Variants in VMP1 observed in about 807,000 individuals in gnomAD.
VMP1 encodes vacuole membrane protein 1, also known as ectopic P-granules autophagy protein 3 homolog.
In VMP1, 11 loss-of-function variants were observed where a neutral mutation model predicts 56.0. The observed-to-expected ratio is 0.20, with a 90% CI of 0.12 to 0.32. VMP1 has a LOEUF of 0.32. VMP1 is among the 10% of genes least tolerant of loss of function. VMP1 has a pLI of 1.00. For synonymous variants in VMP1, 149 were observed against 165.0 expected (o/e 0.90, Z 0.74); for missense variants, 296 against 490.3 (o/e 0.60, Z 3.74).
chr17:59,784,142 T>TGA (rs1555621322), intron 7 of VMP1, among the ~76,000 whole-genome samples: 2,299 of 130,346 alleles, frequency 0.018, 33 homozygotes, highest in East Asian at 0.035. Flanking sequence ...TGTGTGTGTG[T>TGA]GAGAGAGAGA....
At chr17:59,805,155 C>T (rs1052719421) in intron 7 of VMP1, among the ~76,000 whole-genome samples, 6 of 152,046 alleles carry the variant, frequency 3.9e-5, no homozygotes, top group Admixed American at 6.6e-5. Context: ...TTCACGTGTT[C>T]GGATAGATTA....
At chr17:59,834,280 T>G (rs1027242294) in intron 10 of VMP1, among the ~76,000 whole-genome samples, 22 of 151,842 alleles carry the variant, frequency 1.4e-4, no homozygotes, top group Non-Finnish European at 1.2e-4. Context: ...TGTTTTTGTT[T>G]GAGATGGAGT....
intron 6 of VMP1, among the ~76,000 whole-genome samples, chr17:59,769,445 G>C (rs746935926): frequency 6.6e-6 from 1 of 152,032 alleles, no homozygotes; most frequent in Non-Finnish European, 1.5e-5. Context: ...CTGCAGATTT[G>C]CTTGTGAGTT....
intron 5 of VMP1, among the ~76,000 whole-genome samples, chr17:59,761,667 C>G (rs1186290158): frequency 2.6e-5 from 4 of 152,206 alleles, no homozygotes. Context: ...CCTGTGTGAA[C>G]TCTGGGAATT....
At chr17:59,827,200 G>A (rs767143382) in intron 10 of VMP1, among the ~76,000 whole-genome samples, 30 of 151,914 alleles carry the variant, frequency 2.0e-4, no homozygotes, top group Non-Finnish European at 2.9e-4. Flanking sequence ...GTGTTGCCCA[G>A]GCTGATCTTG....
chr17:59,837,269 G>GT (rs2039012830), intron 10 of VMP1, among the ~76,000 whole-genome samples: 1 of 152,098 alleles, frequency 6.6e-6, no homozygotes, highest in Admixed American at 6.6e-5. Context: ...ATTAGGCAGT[G>GT]TTGCAAGTAC....
intron 7 of VMP1, among the ~76,000 whole-genome samples, chr17:59,794,517 ATTTTTTTTTT>A (rs71145572): frequency 2.3e-4 from 10 of 43,086 alleles, no homozygotes; most frequent in African/African-American, 9.3e-4. Flanking sequence ...CGCGCCCTGC[ATTTTTTTTTT>A]TTTTTTTTTT....
Position 59,793,103 on chromosome 17 carries a change from C to T in VMP1, c.715-15693C>T, listed in dbSNP as rs2037300654. 1.8e-5 allele frequency among the ~76,000 whole-genome samples: 2 copies of T among 111,672 alleles called. 1 individual carries two copies. The highest frequency in any genetic ancestry group is 4.4e-5 in the Non-Finnish European group (2 of 45,304). The allele number at this position is 111,672 out of a possible 152,430, so 73.3% of individuals were successfully genotyped here. ...TCTTGGCTTACCACAACCTCTGCCT[C>T]CCGAGTTCAAGCAATTCTCCTGCCT... On this transcript the variant is annotated intron_variant, in intron 7 of 11. Coordinates refer to ENST00000262291, the MANE Select transcript of VMP1 (RefSeq NM_030938.5).
intron 5 of VMP1, among the ~76,000 whole-genome samples, chr17:59,740,634 G>GT: frequency 6.6e-6 from 1 of 152,254 alleles, no homozygotes; most frequent in South Asian, 2.1e-4. Context: ...TGTTTGCTTG[G>GT]TGATTTAACT....
chr17:59,750,926 CT>C (rs35948198), intron 5 of VMP1, among the ~76,000 whole-genome samples: 2,110 of 91,024 alleles, frequency 0.023, 18 homozygotes, highest in African/African-American at 0.097. Flanking sequence ...AAGATAGCAC[CT>C]TTTTTTTTTT....
At chr17:59,780,324 C>T (rs948051563) in intron 7 of VMP1, among the ~76,000 whole-genome samples, 10 of 152,192 alleles carry the variant, frequency 6.6e-5, no homozygotes, top group African/African-American at 2.4e-4. Context: ...GCTGCAGTGG[C>T]TCACGCCTGT....
At chr17:59,809,484 A>ATTTTTTTTTTTTTT (rs71145575) in intron 8 of VMP1, among the ~76,000 whole-genome samples, 1 of 52,716 alleles carries the variant, frequency 1.9e-5, no homozygotes, top group African/African-American at 1.0e-4. Context: ...CACCCAGCTA[A>ATTTTTTTTTTTTTT]TTTTTTTTTT....
chr17:59,797,112 T>A (rs1307415381), intron 7 of VMP1, among the ~76,000 whole-genome samples: 1 of 151,392 alleles, frequency 6.6e-6, no homozygotes, highest in African/African-American at 2.4e-5. Flanking sequence ...GGCAGGCGGG[T>A]CACAAGGTCA....
intron 7 of VMP1, among the ~76,000 whole-genome samples, chr17:59,792,390 GTC>G (rs2037263171): frequency 1.3e-5 from 2 of 152,228 alleles, no homozygotes; most frequent in Non-Finnish European, 2.9e-5. Context: ...TAAGTTTCCT[GTC>G]TCTGACAGTT....
At chr17:59,836,718 G>GT (rs1255690580) in intron 10 of VMP1, among the ~76,000 whole-genome samples, 5 of 120,600 alleles carry the variant, frequency 4.1e-5, no homozygotes, top group Admixed American at 8.0e-5. Flanking sequence ...TGGGCAGTTT[G>GT]GTTTTTTTTT....
chr17:59,797,624 C>A (rs1021188607), intron 7 of VMP1, among the ~76,000 whole-genome samples: 3 of 152,198 alleles, frequency 2.0e-5, no homozygotes, highest in African/African-American at 4.8e-5. Context: ...CGCCTGTAAT[C>A]CCAGCACTTT....
chr17:59,829,274 T>C (rs1005242935), intron 10 of VMP1, among the ~76,000 whole-genome samples: 2 of 152,238 alleles, frequency 1.3e-5, no homozygotes, highest in Non-Finnish European at 2.9e-5. Flanking sequence ...CATTTACTTA[T>C]TCTGGATTAA....
rs2035282686 is a variant in VMP1 at position 59,742,942 on chromosome 17, T to G, written c.414+3995T>G. ...TTTCATCCCAAAACCATCCCCCACCTCAGGTCTGTGGAAAACTTGTCTTCC... is the reference window on the plus strand; with the variant it reads ...TTTCATCCCAAAACCATCCCCCACCGCAGGTCTGTGGAAAACTTGTCTTCC... On this transcript the variant is annotated intron_variant, in intron 5 of 11. Transcript: ENST00000262291. Among the ~76,000 whole-genome samples, 4 of 152,238 alleles carry G rather than the reference T, an allele frequency of 2.6e-5. No individual in the cohort carries two copies. In the South Asian group the frequency reaches 8.3e-4, roughly 32 times the overall value.
At chr17:59,731,223 A>G (rs1417532127) in intron 1 of VMP1, among the ~76,000 whole-genome samples, 198 bp from the exon 2 acceptor site, 1 of 152,194 alleles carries the variant, frequency 6.6e-6, no homozygotes, top group African/African-American at 2.4e-5. Context: ...TACTATTTGT[A>G]TTAGAATATC....
Sources: allele counts gnomAD v4.1 joint callset (sites outside exome capture counted in the v4.1 genomes callset), GRCh38; gene constraint gnomAD v4.1.1; transcripts MANE v1.5; gene names NCBI Gene and HGNC (gene_info 2026-07-23, HGNC 2026-07-21).